Variants in GPAM observed in about 807,000 individuals in gnomAD.
The protein encoded by GPAM is glycerol-3-phosphate acyltransferase, mitochondrial.
GPAM carries 56 observed loss-of-function variants against 105.0 expected under a neutral mutation model. That is an observed-to-expected ratio of 0.53 (90% CI 0.43 to 0.67). The LOEUF is 0.67. GPAM is among the 30% of genes least tolerant of loss of function. The pLI, the probability that GPAM is intolerant of heterozygous loss-of-function variation, is 0.00. For synonymous variants in GPAM, 368 were observed against 354.4 expected (o/e 1.04, Z -0.43); for missense variants, 855 against 989.8 (o/e 0.86, Z 1.83).
At chr10:112,163,278 G>C (rs1027271037) in intron 14 of GPAM, among the ~76,000 whole-genome samples, 2 of 152,092 alleles carry the variant, frequency 1.3e-5, no homozygotes, top group Non-Finnish European at 2.9e-5. Flanking sequence ...TATTCTCCAC[G>C]GCTAAGGCAA....
intron 1 of GPAM, among the ~76,000 whole-genome samples, chr10:112,210,664 C>CCATTCTTT (rs1847901036): frequency 6.6e-6 from 1 of 152,208 alleles, no homozygotes; most frequent in Non-Finnish European, 1.5e-5. Flanking sequence ...GCTGATATCT[C>CCATTCTTT]CATTCTTTCA....
intron 1 of GPAM, among the ~76,000 whole-genome samples, chr10:112,213,388 A>G (rs1320688739): frequency 6.6e-6 from 1 of 152,202 alleles, no homozygotes; most frequent in Non-Finnish European, 1.5e-5. Context: ...CTGAGTTAAT[A>G]AGATAAAGCC....
At position 112,152,139 on chromosome 10, in the gene GPAM, C is replaced by G. The variant is rs1261240551; in HGVS notation, c.*1411G>C. ...GGAAGTACAAACTTAATTCTCAGTA[C>G]TTTTATACTAAATTCAAAGAATCTA... is the stretch of plus-strand genomic sequence containing the variant. On this transcript the variant is annotated 3_prime_UTR_variant, in exon 22 of 22. Transcript: ENST00000348367. The G allele has an allele frequency of 2.1e-6, 2 of 972,674 alleles. No homozygotes were observed. Among genetic ancestry groups the G allele is most frequent in the East Asian group, 2.3e-4 (2 of 8,776 alleles). 60.3% of individuals were successfully genotyped at this position (972,674 alleles called of 1,614,324 possible).
intron 14 of GPAM, among the ~76,000 whole-genome samples, chr10:112,161,955 A>C (rs1404128639): frequency 6.6e-6 from 1 of 152,220 alleles, no homozygotes; most frequent in Non-Finnish European, 1.5e-5. Context: ...CAACAGGCTA[A>C]GTAAGACAGG....
In GPAM at chr10:112,177,976, C is replaced by A. The variant is rs747006337; in HGVS notation, c.299+8G>T. On this transcript the variant is annotated splice_region_variant and intron_variant, in intron 5 of 21. Coordinates refer to ENST00000348367, the MANE Select transcript of GPAM (RefSeq NM_001244949.2). ...GATGTATTAAAAACATAAGAAATTTCTTTTTACCTTGTGTGAGTTTCATTG... is the reference window on the plus strand; with the variant it reads ...GATGTATTAAAAACATAAGAAATTTATTTTTACCTTGTGTGAGTTTCATTG... The A allele has an allele frequency of 2.7e-6, 4 of 1,482,866 alleles. No individual in the cohort carries two copies. The East Asian group carries it at 6.8e-5, about 25-fold the overall frequency. The allele number at this position is 1,482,866 out of a possible 1,614,324, so 91.9% of individuals were successfully genotyped here.
chr10:112,180,505 T>G lies in GPAM; in HGVS notation c.193A>C (p.Arg65=). The G allele has an allele frequency of 6.2e-7, 1 of 1,613,750 alleles. No homozygotes were observed. Among genetic ancestry groups the G allele is most frequent in the Non-Finnish European group, 8.5e-7 (1 of 1,179,648 alleles). The change falls in exon 4 of 22, where the codon AGA becomes CGA. Residue 65 remains arginine, a synonymous_variant. Coordinates refer to ENST00000348367, the MANE Select transcript of GPAM (RefSeq NM_001244949.2). ...TGGGGAGTGCAGGAGTAACAACATC[T>G]TCCAACAAATGGCCTTTTCCGACTC... ...LMSRKRPFVG[R]CCYSCTPQSW...
intron 12 of GPAM, 142 bp downstream of exon 12, chr10:112,166,260 C>T (rs1847214612): frequency 1.5e-6 from 1 of 681,522 alleles, no homozygotes; most frequent in African/African-American, 1.8e-5. Flanking sequence ...TTAGGCAACA[C>T]CACCTTTATC....
the GPAM span, among the ~76,000 whole-genome samples, chr10:112,224,725 T>G: frequency 6.6e-6 from 1 of 152,114 alleles, no homozygotes; most frequent in South Asian, 2.1e-4. Context: ...TACTAAGGAC[T>G]AAAAACATCC....
chr10:112,157,463 A>T, intron 18 of GPAM, 74 bp from the exon 19 acceptor site: 1 of 1,366,912 alleles, frequency 7.3e-7, no homozygotes, highest in Non-Finnish European at 1.0e-6. Context: ...GAGCCAGGAC[A>T]AGGCAGTCCT....
At chr10:112,186,519 T>C (rs1352552780), upstream of GPAM, among the ~76,000 whole-genome samples, 2 of 152,058 alleles carry the variant, frequency 1.3e-5, no homozygotes, top group Non-Finnish European at 2.9e-5. Context: ...TTCTTATTTT[T>C]TAAACCCTTT....
At chr10:112,158,443 T>C (rs1262664152) in intron 17 of GPAM, 50 bp from the exon 18 acceptor site, 1 of 1,145,636 alleles carries the variant, frequency 8.7e-7, no homozygotes, top group Non-Finnish European at 1.3e-6. Context: ...TATACTTCTT[T>C]TTTTAAACGC....
the GPAM span, among the ~76,000 whole-genome samples, chr10:112,225,470 C>T: frequency 6.6e-6 from 1 of 152,130 alleles, no homozygotes. Flanking sequence ...ACAATGCCAC[C>T]CTCCTACCTA....
In GPAM at chr10:112,168,385, G is replaced by C. The variant is rs148961428; in HGVS notation, c.1034C>G (p.Pro345Arg). ...VVDTLSTNVIPDILIIPVGIS... is the reference protein window; with the variant it reads ...VVDTLSTNVIRDILIIPVGIS... ...TCCAACAGGTATTATCAAGATGTCT[G>C]GGATGACATTGGTAGACAGAGTATC... Residue 345 changes from proline (P) to arginine (R), a missense_variant, in exon 11 of 22, where the codon CCA (proline) becomes CGA (arginine). Physicochemically the swap from Pro to Arg is moderately radical, Grantham distance 103. Coordinates refer to ENST00000348367, the MANE Select transcript of GPAM (RefSeq NM_001244949.2). 75 of 1,610,128 alleles carry C rather than the reference G, an allele frequency of 4.7e-5. No individual in the cohort carries two copies. Among genetic ancestry groups the C allele is most frequent in the Non-Finnish European group, 5.8e-5 (68 of 1,176,492 alleles).
At chr10:112,196,107 C>CA (rs1395283126) in intron 1 of GPAM, among the ~76,000 whole-genome samples, 1 of 152,182 alleles carries the variant, frequency 6.6e-6, no homozygotes, top group Non-Finnish European at 1.5e-5. Context: ...GAAACACACA[C>CA]ATGCCCAATA....
At chr10:112,193,211 C>T (rs76028125) in intron 1 of GPAM, among the ~76,000 whole-genome samples, 2,906 of 152,248 alleles carry the variant, frequency 0.019, 39 homozygotes, top group East Asian at 0.058. Flanking sequence ...TCACTACCCT[C>T]CCTCAGGCTG....
At chr10:112,197,742 G>A (rs1847742064) in intron 1 of GPAM, among the ~76,000 whole-genome samples, 1 of 147,332 alleles carries the variant, frequency 6.8e-6, no homozygotes, top group Non-Finnish European at 1.5e-5. Context: ...GCGGTGTTTG[G>A]TTTTTTGTTC....
At position 112,168,857 on chromosome 10, in the gene GPAM, T is replaced by C. The variant is rs74782999; in HGVS notation, c.890A>G (p.His297Arg). 7 of 1,580,378 alleles carry C rather than the reference T, an allele frequency of 4.4e-6. No homozygotes were observed. The East Asian group carries it at 1.3e-4, about 30-fold the overall frequency. ...ATAATTAGAGATCACACATACCCCA[T>C]GGAGCAAAGCTCTATAGAGAACATC... ...RKDVLYRALL[H>R]GHIVELLRQQ... The change falls in exon 10 of 22, where the codon CAT becomes CGT. Residue 297 changes from histidine to arginine, a missense_variant. His to Arg is a conservative substitution (Grantham distance 29). Coordinates refer to ENST00000348367, the MANE Select transcript of GPAM (RefSeq NM_001244949.2).
the GPAM span, among the ~76,000 whole-genome samples, chr10:112,224,624 T>C: frequency 1.3e-5 from 2 of 152,098 alleles, no homozygotes; most frequent in African/African-American, 4.8e-5. Flanking sequence ...CTGTTTGTTT[T>C]TGTGTTTTGG....
intron 4 of GPAM, among the ~76,000 whole-genome samples, 177 bp from the exon 5 acceptor site, chr10:112,178,234 T>C (rs573698680): frequency 2.0e-5 from 3 of 152,130 alleles, no homozygotes; most frequent in African/African-American, 7.2e-5. Context: ...AAGAATGTCA[T>C]AAACTCAAAA....
Sources: allele counts gnomAD v4.1 joint callset (sites outside exome capture counted in the v4.1 genomes callset), GRCh38; gene constraint gnomAD v4.1.1; transcripts MANE v1.5; gene names NCBI Gene and HGNC (gene_info 2026-07-23, HGNC 2026-07-21).